The following CLEC4A variants were observed in gnomAD, a reference collection of about 807,000 sequenced individuals.
CLEC4A encodes C-type lectin domain family 4 member A.
A neutral mutation model predicts 32.7 loss-of-function variants in CLEC4A; 27 were observed. That is an observed-to-expected ratio of 0.83 (90% CI 0.61 to 1.14). The LOEUF is 1.14. Ranked by LOEUF, CLEC4A falls within the 50% of genes most tolerant of loss-of-function variation. The probability of loss-of-function intolerance (pLI) is 0.00; values close to 1 mark genes in which losing one functional copy is unlikely to be tolerated. For synonymous variants in CLEC4A, 89 were observed against 93.7 expected, an observed-to-expected ratio of 0.95 and a Z score of 0.29; for missense variants, 253 against 274.6, an observed-to-expected ratio of 0.92 and a Z score of 0.55.
At chr12:8,134,142 C>A in intron 3 of CLEC4A, 2 of 1,605,214 alleles carry the variant, frequency 1.2e-6, no homozygotes, top group Admixed American at 1.7e-5. Flanking sequence ...ACTTGGTTCT[C>A]GATACTGGTT....
chr12:8,136,682 A>C, intron 4 of CLEC4A, 106 bp from the exon 5 acceptor site: 2 of 652,302 alleles, frequency 3.1e-6, no homozygotes, highest in East Asian at 5.4e-5. Flanking sequence ...GCTCTAATGC[A>C]GCTGTTGCTG....
At position 8,134,979 on chromosome 12, in the gene CLEC4A, G is replaced by GTTTTGT. The variant is rs1948073835; in HGVS notation, c.299-602_299-601insGTTTTT. 39 of 166,014 alleles carry GTTTTGT rather than the reference G, an allele frequency of 2.3e-4. 5 individuals carry two copies. In the South Asian group the frequency reaches 2.8e-3, roughly 12 times the overall value. The allele number at this position is 166,014 out of a possible 1,614,324, so 10.3% of individuals were successfully genotyped here. ...TGTATCTTCTTGTTGAAGCGTTTTT[G>GTTTTGT]TTTTTTGTTTTTTTTTAATCATGGC... On this transcript the variant is annotated intron_variant, in intron 3 of 5. Coordinates refer to ENST00000229332, the MANE Select transcript of CLEC4A (RefSeq NM_016184.4).
the CLEC4A span, among the ~76,000 whole-genome samples, chr12:8,111,982 T>A: frequency 3.3e-5 from 5 of 151,688 alleles, no homozygotes; most frequent in African/African-American, 7.3e-5. Context: ...TTATTTATTT[T>A]TTTTAGACAG....
At chr12:8,136,994 C>A in intron 5 of CLEC4A, 91 bp downstream of exon 5, 1 of 764,384 alleles carries the variant, frequency 1.3e-6, no homozygotes, top group Non-Finnish European at 2.2e-6. Flanking sequence ...AGTAAAATAG[C>A]TCACTCTTCT....
chr12:8,109,420 G>A, the CLEC4A span, among the ~76,000 whole-genome samples: 6 of 152,152 alleles, frequency 3.9e-5, no homozygotes, highest in Admixed American at 6.5e-5. Flanking sequence ...AGACTACTTT[G>A]CTACAAAATT....
chr12:8,115,557 T>C, the CLEC4A span, among the ~76,000 whole-genome samples: 1 of 152,140 alleles, frequency 6.6e-6, no homozygotes, highest in African/African-American at 2.4e-5. Flanking sequence ...ATATCATCAA[T>C]GGAGTGAACC....
chr12:8,122,262 A>ACC (rs1255502989), upstream of CLEC4A, among the ~76,000 whole-genome samples: 2 of 150,910 alleles, frequency 1.3e-5, no homozygotes, highest in Non-Finnish European at 3.0e-5. Context: ...AGGAAATCAG[A>ACC]CCCCTCCAGG....
At chr12:8,114,308 G>GCA in the CLEC4A span, among the ~76,000 whole-genome samples, 1,995 of 152,096 alleles carry the variant, frequency 0.013, 19 homozygotes, top group Middle Eastern at 0.031. Context: ...GCAGTGGCGT[G>GCA]ATCTCGGCTC....
rs767127032 is a variant in CLEC4A, at chr12:8,135,745, T to A, written c.450+9T>A. The A allele has an allele frequency of 4.5e-5, 72 of 1,613,306 alleles. No homozygotes were observed. The highest frequency in any genetic ancestry group is 5.5e-5 in the Non-Finnish European group (65 of 1,179,566). On this transcript the variant is annotated intron_variant, in intron 4 of 5. Transcript: ENST00000229332. ...ACACTCAAGAAGAGCAGGTACTTTC[T>A]AATAGATAATGGGGCTGTGAGCCCT...
At chr12:8,112,356 C>T in the CLEC4A span, among the ~76,000 whole-genome samples, 1 of 152,118 alleles carries the variant, frequency 6.6e-6, no homozygotes, top group African/African-American at 2.4e-5. Context: ...AATGTGTCAA[C>T]CCTTGTCTCC....
intron 5 of CLEC4A, among the ~76,000 whole-genome samples, chr12:8,137,248 A>G (rs1948137553): frequency 6.6e-6 from 1 of 150,834 alleles, no homozygotes; most frequent in African/African-American, 2.4e-5. Context: ...ATGTTGATTA[A>G]GATCATAACC....
chr12:8,122,609 C>T (rs770301263), upstream of CLEC4A, among the ~76,000 whole-genome samples: 6 of 152,030 alleles, frequency 3.9e-5, no homozygotes, highest in Non-Finnish European at 7.4e-5. Context: ...GGGAGATTGA[C>T]GACATCCAGG....
chr12:8,121,947 T>C (rs1040625312), upstream of CLEC4A, among the ~76,000 whole-genome samples: 3 of 150,380 alleles, frequency 2.0e-5, no homozygotes, highest in African/African-American at 7.3e-5. Context: ...GTTGGCCCAG[T>C]TGGGGTTGGG....
At chr12:8,124,043 C>T in intron 1 of CLEC4A, 83 bp downstream of exon 1, 1 of 912,408 alleles carries the variant, frequency 1.1e-6, no homozygotes, top group South Asian at 1.4e-5. Flanking sequence ...TAGGTGTTTT[C>T]AGTTGCTGGT....
At chr12:8,105,092 T>C in the CLEC4A span, among the ~76,000 whole-genome samples, 1 of 152,214 alleles carries the variant, frequency 6.6e-6, no homozygotes, top group Non-Finnish European at 1.5e-5. Context: ...CCTTTGGGTA[T>C]ATACCCAATA....
At chr12:8,120,128 G>T (rs1307471550), upstream of CLEC4A, among the ~76,000 whole-genome samples, 1 of 152,046 alleles carries the variant, frequency 6.6e-6, no homozygotes, top group African/African-American at 2.4e-5. Context: ...TGCCAATCAG[G>T]GGAGCTTCAG....
chr12:8,104,675 C>T, the CLEC4A span, among the ~76,000 whole-genome samples: 159 of 152,184 alleles, frequency 1.0e-3, 1 homozygote, highest in African/African-American at 3.5e-3. Context: ...TATTTTGTCG[C>T]CTGGGTAATA....
At chr12:8,111,178 C>CTTTT in the CLEC4A span, among the ~76,000 whole-genome samples, 3 of 100,300 alleles carry the variant, frequency 3.0e-5, no homozygotes, top group Non-Finnish European at 5.9e-5. Flanking sequence ...GGCCCAACAT[C>CTTTT]TTTTTTTTTT....
chr12:8,115,343 T>G, the CLEC4A span, among the ~76,000 whole-genome samples: 5 of 152,190 alleles, frequency 3.3e-5, no homozygotes, highest in African/African-American at 1.2e-4. Flanking sequence ...ACACCAATTT[T>G]TGGGCCCCAT....
Sources: allele counts gnomAD v4.1 joint callset (sites outside exome capture counted in the v4.1 genomes callset), GRCh38; gene constraint gnomAD v4.1.1; transcripts MANE v1.5; gene names NCBI Gene and HGNC (gene_info 2026-07-23, HGNC 2026-07-21).